Variants in SLC12A2 observed in about 807,000 individuals in gnomAD.
SLC12A2 encodes the protein solute carrier family 12 member 2, also known as Na-K-2Cl cotransporter 1.
A neutral mutation model predicts 136.3 loss-of-function variants in SLC12A2; 67 were observed. That is an observed-to-expected ratio of 0.49 (90% CI 0.40 to 0.60). The LOEUF (loss-of-function observed/expected upper bound fraction) is 0.60, where lower values mean the gene tolerates loss of function less well. Among genes scored for constraint, SLC12A2 ranks in the 20% least tolerant of loss-of-function variants. The pLI is 0.00. For missense variants in SLC12A2, 1,322 were observed against 1,534.7 expected, an observed-to-expected ratio of 0.86 and a Z score of 2.32; for synonymous variants, 619 against 562.9, an observed-to-expected ratio of 1.10 and a Z score of -1.41.
In SLC12A2 at chr5:128,151,542, T is replaced by A. The variant is rs967610937; in HGVS notation, c.2263+146T>A. The A allele has an allele frequency of 1.1e-5, 7 of 660,502 alleles. No individual in the cohort carries two copies. The South Asian group carries it at 2.1e-4, about 20-fold the overall frequency. 40.9% of individuals were successfully genotyped at this position (660,502 alleles called of 1,614,324 possible). On this transcript the variant is annotated intron_variant, in intron 14 of 26. Coordinates refer to ENST00000262461, the MANE Select transcript of SLC12A2 (RefSeq NM_001046.3). ...TGTATAAAACCTAAAATACTTTATT[T>A]CCAAACTCCTAAAGTTTTTTTTTTT...
In SLC12A2 at chr5:128,171,738, A is replaced by G; in HGVS notation, c.2795A>G (p.Gln932Arg). The change falls in exon 19 of 27, where the codon CAA (glutamine) becomes CGA (arginine). Residue 932 changes from glutamine (Q) to arginine (R), a missense_variant. Physicochemically the swap from Gln to Arg is conservative, Grantham distance 43 (BLOSUM62 1). Transcript: ENST00000262461. ...LKEGLDISHL[Q>R]GQEELLSSQE... ...GAAGGTCTGGATATATCTCATCTTCAAGGACAAGGTAAATTTTGTTGGCAA... is the reference window on the plus strand; with the variant it reads ...GAAGGTCTGGATATATCTCATCTTCGAGGACAAGGTAAATTTTGTTGGCAA... The G allele has an allele frequency of 6.4e-7, 1 of 1,569,400 alleles. No individual in the cohort carries two copies.
intron 1 of SLC12A2, among the ~76,000 whole-genome samples, chr5:128,087,949 C>T (rs998334439): frequency 1.3e-5 from 2 of 150,140 alleles, no homozygotes; most frequent in Non-Finnish European, 3.0e-5. Flanking sequence ...TGAGGCTATT[C>T]TGTTTCAGTA....
Position 128,091,731 on chromosome 5 carries a change from AG to A in SLC12A2, c.756+7026del, listed in dbSNP as rs530404931. 2.0e-5 allele frequency among the ~76,000 whole-genome samples: 3 copies of A among 152,274 alleles called. No homozygotes were observed. The East Asian group carries it at 5.8e-4, about 29-fold the overall frequency. On this transcript the variant is annotated intron_variant, in intron 1 of 26. Coordinates refer to ENST00000262461, the MANE Select transcript of SLC12A2 (RefSeq NM_001046.3). ...AACTTGGGGGTTTCTAATTGGAAGA[AG>A]GGGGAAAGCCAAAAAGAAAAAATAG...
chr5:128,144,192 GT>G (rs1762456588), intron 10 of SLC12A2, among the ~76,000 whole-genome samples: 1 of 152,062 alleles, frequency 6.6e-6, no homozygotes, highest in African/African-American at 2.4e-5. Context: ...AGAAAAGTTT[GT>G]TGTCTTTATC....
intron 18 of SLC12A2, chr5:128,169,322 A>G (rs1763298057): frequency 6.6e-6 from 1 of 151,938 alleles, no homozygotes; most frequent in African/African-American, 2.4e-5. Context: ...CTTTTTTCTC[A>G]CTGGAGTTAC....
chr5:128,172,070 T>G (rs890430054), intron 19 of SLC12A2, among the ~76,000 whole-genome samples: 1 of 152,192 alleles, frequency 6.6e-6, no homozygotes, highest in Non-Finnish European at 1.5e-5. Flanking sequence ...GGAAAAATTT[T>G]TAAATGACCA....
intron 1 of SLC12A2, among the ~76,000 whole-genome samples, chr5:128,105,017 T>C (rs1760882839): frequency 6.6e-6 from 1 of 152,216 alleles, no homozygotes. Flanking sequence ...CATGTGGAAT[T>C]CTGTCATTTG....
At chr5:128,126,895 T>C (rs1209222858) in intron 4 of SLC12A2, among the ~76,000 whole-genome samples, 1 of 144,850 alleles carries the variant, frequency 6.9e-6, no homozygotes, top group Non-Finnish European at 1.5e-5. Context: ...CTGCATCTGT[T>C]GAACTGTATG....
At chr5:128,163,746 T>A (rs1441124387) in intron 17 of SLC12A2, among the ~76,000 whole-genome samples, 1 of 152,146 alleles carries the variant, frequency 6.6e-6, no homozygotes, top group African/African-American at 2.4e-5. Flanking sequence ...ATATGAAGAT[T>A]TAAATATTTT....
chr5:128,125,042 TACATCACA>T (rs1484468347), intron 4 of SLC12A2, among the ~76,000 whole-genome samples: 1 of 152,220 alleles, frequency 6.6e-6, no homozygotes, highest in Non-Finnish European at 1.5e-5. Flanking sequence ...TATTTCTTCT[TACATCACA>T]ACATCACAGC....
In SLC12A2 at chr5:128,084,514, C is replaced by CCGGCGG. The variant is rs751759733; in HGVS notation, c.571_576dup (p.Gly191_Gly192dup). The CCGGCGG allele has an allele frequency of 3.3e-5, 53 of 1,607,546 alleles. No homozygotes were observed. The highest frequency in any genetic ancestry group is 2.3e-4 in the African/African-American group (17 of 73,158). On this transcript the variant is annotated inframe_insertion, in exon 1 of 27. Transcript: ENST00000262461. This position sits in a 1 kb window ranked among gnomAD's most constrained non-coding sequence, Gnocchi z 5.6. ...CTGAGCGAGGGCAGCAGCCTGCACT[C>CCGGCGG]CGGCGGCGGCGGCGGCAGTGGGCAC...
chr5:128,083,840 A>G lies in SLC12A2; in HGVS notation c.-115A>G. 1.3e-6 allele frequency: 1 copy of G among 771,714 alleles called. No homozygotes were observed. The highest frequency in any genetic ancestry group is 4.5e-5 in the Admixed American group (1 of 22,190). 47.8% of individuals were successfully genotyped at this position (771,714 alleles called of 1,614,324 possible). A position where few individuals can be genotyped will look rare whatever the true frequency, so the allele number is the denominator to read the frequency against. On this transcript the variant is annotated 5_prime_UTR_variant, in exon 1 of 27. Transcript: ENST00000262461. ...TAGCGGCGGCCCGCAGGCGGCGGGGAGAAAGACTCTCTCACCTGGTCTTGC... is the reference window on the plus strand; with the variant it reads ...TAGCGGCGGCCCGCAGGCGGCGGGGGGAAAGACTCTCTCACCTGGTCTTGC...
chr5:128,106,115 T>C (rs1450215514), intron 1 of SLC12A2, among the ~76,000 whole-genome samples: 1 of 152,198 alleles, frequency 6.6e-6, no homozygotes, highest in Non-Finnish European at 1.5e-5. Flanking sequence ...ATGCTACTTT[T>C]TGAAAGATTA....
intron 23 of SLC12A2, among the ~76,000 whole-genome samples, chr5:128,181,313 T>C (rs1319632298): frequency 1.3e-5 from 2 of 152,180 alleles, no homozygotes; most frequent in Non-Finnish European, 2.9e-5. Flanking sequence ...TACATATTTA[T>C]ATATGAGATA....
chr5:128,099,217 A>G lies in SLC12A2; in HGVS notation c.757-13597A>G, dbSNP rs551141398. Among the ~76,000 whole-genome samples, 16 of 152,280 alleles carry G rather than the reference A, an allele frequency of 1.1e-4. No individual in the cohort carries two copies. The South Asian group carries it at 3.1e-3, about 30-fold the overall frequency. ...GCATATTCCACTACACACCTAGGCT[A>G]TATGGTGTAGCCTGTTGCTTCTAGG... On this transcript the variant is annotated intron_variant, in intron 1 of 26. Transcript: ENST00000262461.
intron 6 of SLC12A2, among the ~76,000 whole-genome samples, chr5:128,135,110 T>A (rs767949938): frequency 3.3e-5 from 5 of 152,086 alleles, no homozygotes; most frequent in Non-Finnish European, 7.4e-5. Context: ...CCGTTTTTCA[T>A]GAGTGTTCAG....
At chr5:128,177,203 C>CT (rs747891171) in intron 21 of SLC12A2, 51 bp downstream of exon 21, 8 of 1,289,204 alleles carry the variant, frequency 6.2e-6, no homozygotes, top group South Asian at 1.4e-5. Flanking sequence ...ACTGTAAACT[C>CT]TTTAACTCCA....
chr5:128,134,647 C>T (rs1762129235), intron 6 of SLC12A2, among the ~76,000 whole-genome samples: 1 of 151,952 alleles, frequency 6.6e-6, no homozygotes, highest in Non-Finnish European at 1.5e-5. Context: ...AGTTATTGCC[C>T]ACATGAGGTT....
chr5:128,125,802 G>A (rs368411676), intron 4 of SLC12A2, among the ~76,000 whole-genome samples: 2 of 151,974 alleles, frequency 1.3e-5, no homozygotes, highest in South Asian at 2.1e-4. Context: ...TTTATCTGTG[G>A]ACAATCTCAA....
Sources: allele counts gnomAD v4.1 joint callset (sites outside exome capture counted in the v4.1 genomes callset), GRCh38; gene constraint gnomAD v4.1.1; non-coding constraint Gnocchi (gnomAD v3.1); transcripts MANE v1.5; gene names NCBI Gene and HGNC (gene_info 2026-07-23, HGNC 2026-07-21).